The following ANKDD1B variants were observed in gnomAD, a reference collection of about 807,000 sequenced individuals.
The protein encoded by ANKDD1B is ankyrin repeat and death domain containing 1B, also known as ankyrin repeat and death domain-containing protein 1B.
A neutral mutation model predicts 59.7 loss-of-function variants in ANKDD1B; 57 were observed. The observed-to-expected ratio is 0.95, with a 90% CI of 0.77 to 1.19. ANKDD1B has a LOEUF of 1.19. Ranked by LOEUF, ANKDD1B falls within the 50% of genes most tolerant of loss-of-function variation. The probability of loss-of-function intolerance (pLI) is 0.00; values close to 1 mark genes in which losing one functional copy is unlikely to be tolerated. For synonymous variants in ANKDD1B, 216 were observed against 239.5 expected (o/e 0.90, Z 0.91); for missense variants, 602 against 641.9 (o/e 0.94, Z 0.67).
chr5:75,663,713 A>T (rs574391011), intron 11 of ANKDD1B, among the ~76,000 whole-genome samples: 108 of 152,352 alleles, frequency 7.1e-4, no homozygotes, highest in African/African-American at 2.5e-3. Flanking sequence ...CGTAGAGTTC[A>T]CTAGGGCCAA....
At chr5:75,622,145 C>T (rs565780077) in intron 3 of ANKDD1B, among the ~76,000 whole-genome samples, 1 of 152,250 alleles carries the variant, frequency 6.6e-6, no homozygotes, top group East Asian at 1.9e-4. Flanking sequence ...AACAGTTGAT[C>T]CCCTTCACCA....
At chr5:75,618,804 G>T (rs1438351548) in intron 2 of ANKDD1B, among the ~76,000 whole-genome samples, 1 of 152,110 alleles carries the variant, frequency 6.6e-6, no homozygotes, top group East Asian at 1.9e-4. Context: ...GGAGTGCAGT[G>T]GTGCAATCTC....
chr5:75,666,519 A>G (rs749496751), intron 11 of ANKDD1B, among the ~76,000 whole-genome samples: 10 of 152,126 alleles, frequency 6.6e-5, no homozygotes, highest in Non-Finnish European at 1.3e-4. Flanking sequence ...CTCTGTTCTC[A>G]TTCTCTGTTC....
chr5:75,644,135 G>T (rs1234489391), intron 7 of ANKDD1B, among the ~76,000 whole-genome samples: 2 of 105,014 alleles, frequency 1.9e-5, no homozygotes, highest in East Asian at 5.1e-4. Context: ...ACCAGCCGCT[G>T]CAAAATCATG....
intron 3 of ANKDD1B, among the ~76,000 whole-genome samples, 181 bp from the exon 4 acceptor site, chr5:75,625,466 A>G (rs1446157429): frequency 6.6e-6 from 1 of 152,204 alleles, no homozygotes; most frequent in African/African-American, 2.4e-5. Flanking sequence ...ACTTGCCTGT[A>G]CCACTTATTA....
Position 75,668,402 on chromosome 5 carries a change from AG to A in ANKDD1B, c.1394-849del, listed in dbSNP as rs375540708. Among the ~76,000 whole-genome samples the A allele has an allele frequency of 6.3e-3, 955 of 152,306 alleles. 14 individuals carry two copies. Among genetic ancestry groups the A allele is most frequent in the African/African-American group, 0.022 (916 of 41,542 alleles). On this transcript the variant is annotated intron_variant, in intron 12 of 13. Coordinates refer to ENST00000601380, the MANE Select transcript of ANKDD1B (RefSeq NM_001276713.2). ...AGTGACAGACTCATGATGGTATTTA[AG>A]AAAAATTAGTTTGTCAAGAGCAAGA...
At chr5:75,638,538 A>G (rs11960747) in intron 7 of ANKDD1B, among the ~76,000 whole-genome samples, 13,651 of 152,220 alleles carry the variant, frequency 0.09, 1,495 homozygotes, top group African/African-American at 0.26. Flanking sequence ...TCACATATAC[A>G]TTTATAATTC....
chr5:75,618,557 C>T (rs1773770499), intron 2 of ANKDD1B, among the ~76,000 whole-genome samples: 1 of 152,096 alleles, frequency 6.6e-6, no homozygotes. Context: ...TTGTAGAGTT[C>T]CTTAAAACCA....
intron 7 of ANKDD1B, among the ~76,000 whole-genome samples, chr5:75,648,253 TA>T (rs1192638336): frequency 0.012 from 461 of 37,220 alleles, 3 homozygotes; most frequent in East Asian, 0.039. Flanking sequence ...AAAGTATAAT[TA>T]AAAAAAAAAA....
At chr5:75,662,396 T>G (rs1470420388) in intron 10 of ANKDD1B, among the ~76,000 whole-genome samples, 1 of 152,176 alleles carries the variant, frequency 6.6e-6, no homozygotes, top group Admixed American at 6.5e-5. Context: ...TCATTTATAT[T>G]GGTGGGAATC....
At chr5:75,622,025 T>C (rs1042666927) in intron 3 of ANKDD1B, among the ~76,000 whole-genome samples, 3 of 152,214 alleles carry the variant, frequency 2.0e-5, no homozygotes, top group South Asian at 2.1e-4. Flanking sequence ...GTAAAATGTT[T>C]TTCATAATTC....
intron 10 of ANKDD1B, among the ~76,000 whole-genome samples, chr5:75,661,250 A>G (rs1366673585): frequency 1.3e-5 from 2 of 151,640 alleles, no homozygotes; most frequent in Non-Finnish European, 2.9e-5. Flanking sequence ...TACACAAATC[A>G]GCCGGGCATG....
chr5:75,666,643 AAT>A (rs10561485), intron 11 of ANKDD1B, 147 bp from the exon 12 acceptor site: 96,206 of 366,762 alleles, frequency 0.26, 1,426 homozygotes, highest in East Asian at 0.39. Flanking sequence ...AAAAAAAAAA[AAT>A]ATATATATGA....
chr5:75,611,971 A>AGGG (rs1348969299), intron 1 of ANKDD1B, 144 bp downstream of exon 1: 30 of 599,872 alleles, frequency 5.0e-5, no homozygotes, highest in African/African-American at 4.6e-4. Context: ...CCCGAGTCCC[A>AGGG]GCCTGCACCG....
chr5:75,621,005 CAA>C (rs568747832), intron 3 of ANKDD1B, among the ~76,000 whole-genome samples: 28 of 152,290 alleles, frequency 1.8e-4, no homozygotes, highest in African/African-American at 4.6e-4. Flanking sequence ...GGGAGGGTAA[CAA>C]GAGAACATTT....
chr5:75,652,650 G>A (rs115053612), intron 7 of ANKDD1B, among the ~76,000 whole-genome samples: 3,115 of 152,240 alleles, frequency 0.02, 113 homozygotes, highest in African/African-American at 0.07. Flanking sequence ...TGTTGCCAGG[G>A]CTGATCTCAA....
intron 5 of ANKDD1B, among the ~76,000 whole-genome samples, chr5:75,634,405 A>G (rs1379505557): frequency 6.6e-6 from 1 of 152,228 alleles, no homozygotes; most frequent in Non-Finnish European, 1.5e-5. Flanking sequence ...TATGAAGAAG[A>G]AAGGAAGGCC....
At chr5:75,669,801 T>C (rs1367006376) in intron 13 of ANKDD1B, among the ~76,000 whole-genome samples, 1 of 152,218 alleles carries the variant, frequency 6.6e-6, no homozygotes, top group Non-Finnish European at 1.5e-5. Flanking sequence ...TTTGAAAATG[T>C]TATCTCTAGG....
At chr5:75,635,384 C>A in intron 6 of ANKDD1B, 1 of 192,354 alleles carries the variant, frequency 5.2e-6, no homozygotes, top group Non-Finnish European at 1.1e-5. Flanking sequence ...AGGAGAAATT[C>A]CTAGATATGG....
Sources: allele counts gnomAD v4.1 joint callset (sites outside exome capture counted in the v4.1 genomes callset), GRCh38; gene constraint gnomAD v4.1.1; transcripts MANE v1.5; gene names NCBI Gene and HGNC (gene_info 2026-07-23, HGNC 2026-07-21).